The following EPB42 variants were observed in gnomAD, a reference collection of about 807,000 sequenced individuals.
The protein encoded by EPB42 is erythrocyte membrane protein band 4.2, also known as protein 4.2.
EPB42 carries 49 observed loss-of-function variants against 76.9 expected under a neutral mutation model. The ratio of observed to expected loss-of-function variants is 0.64; its 90% CI spans 0.51 to 0.81. EPB42 has a LOEUF of 0.81. Ranked by LOEUF, EPB42 falls within the 30% of genes least tolerant of loss-of-function variation. The pLI, the probability that EPB42 is intolerant of heterozygous loss-of-function variation, is 0.00. For synonymous variants in EPB42, 310 were observed against 338.4 expected, an observed-to-expected ratio of 0.92 and a Z score of 0.92; for missense variants, 731 against 867.6, an observed-to-expected ratio of 0.84 and a Z score of 1.98.
chr15:43,222,669 TATG>T (rs1259198058), upstream of EPB42, among the ~76,000 whole-genome samples: 1 of 152,230 alleles, frequency 6.6e-6, no homozygotes, highest in Non-Finnish European at 1.5e-5. Flanking sequence ...GAACACATAA[TATG>T]ATATTACTGT....
intron 6 of EPB42, 151 bp from the exon 7 acceptor site, chr15:43,208,926 T>C (rs2042248699): frequency 2.2e-6 from 2 of 919,996 alleles, no homozygotes; most frequent in Non-Finnish European, 3.3e-6. Context: ...AAGAACAGGA[T>C]GCATGAAGGC....
At chr15:43,204,047 AG>A (rs1386662452) in intron 10 of EPB42, among the ~76,000 whole-genome samples, 1 of 152,082 alleles carries the variant, frequency 6.6e-6, no homozygotes, top group Non-Finnish European at 1.5e-5. Flanking sequence ...TATTTTCCTC[AG>A]CATAGAAGCA....
At chr15:43,225,370 A>C (rs142607347), upstream of EPB42, among the ~76,000 whole-genome samples, 2 of 152,354 alleles carry the variant, frequency 1.3e-5, no homozygotes, top group African/African-American at 4.8e-5. Context: ...TATTTTCACC[A>C]CAGAGGGCCC....
In EPB42 at chr15:43,199,145, G is replaced by A. The variant is rs141028684; in HGVS notation, c.1914-1681C>T. ...GTCCCTGCTGGGGCACTGCCTAGTG[G>A]AGCTGTGAGAAGAGGGCCGCCATCC... On this transcript the variant is annotated intron_variant, in intron 12 of 12. Coordinates refer to ENST00000441366, the MANE Select transcript of EPB42 (RefSeq NM_001114134.2). 2.9e-3 allele frequency among the ~76,000 whole-genome samples: 441 copies of A among 152,324 alleles called. 8 individuals carry two copies. Among genetic ancestry groups the A allele is most frequent in the South Asian group, 0.022 (105 of 4,826 alleles).
chr15:43,210,045 T>C (rs1345814616), intron 5 of EPB42, among the ~76,000 whole-genome samples: 1 of 152,218 alleles, frequency 6.6e-6, no homozygotes, highest in Non-Finnish European at 1.5e-5. Context: ...CTCCTTCCCA[T>C]GGGCCTAAGC....
chr15:43,220,876 A>G lies in EPB42; in HGVS notation c.-51T>C, dbSNP rs16957499. On this transcript the variant is annotated 5_prime_UTR_variant, in exon 1 of 13. Transcript: ENST00000441366. ...CTTGGCCGCAGAAAGCGCCTCTCTC[A>G]AACTGTTGCTTCTGGGCTCCTTCTG... 0.01 allele frequency: 15,515 copies of G among 1,530,134 alleles called. 1,073 individuals carry two copies. In the African/African-American group the frequency reaches 0.16, roughly 16 times the overall value. The allele number at this position is 1,530,134 out of a possible 1,614,324, so 94.8% of individuals were successfully genotyped here.
chr15:43,208,370 A>G (rs2042238398), intron 7 of EPB42, 37 bp from the exon 8 acceptor site: 1 of 1,599,366 alleles, frequency 6.3e-7, no homozygotes, highest in East Asian at 2.2e-5. Flanking sequence ...AGTGGGAAAG[A>G]AAACGAGTGC....
Position 43,197,503 on chromosome 15 carries a change from G to C in EPB42, c.1914-39C>G, listed in dbSNP as rs16957485. 4,922 of 1,612,112 alleles carry C rather than the reference G, an allele frequency of 3.1e-3. 70 individuals are homozygous for C. In the African/African-American group the frequency reaches 0.045, roughly 15 times the overall value. ...AAAGGCAGGTGCTAGTTCTGTCCCA[G>C]GTTCATTGCTCTGCTGGTCCCAGTG... is the stretch of plus-strand genomic sequence containing the variant. On this transcript the variant is annotated intron_variant, in intron 12 of 12. Transcript: ENST00000441366.
chr15:43,201,832 G>A lies in EPB42; in HGVS notation c.1913+12C>T. 6.2e-7 allele frequency: 1 copy of A among 1,614,192 alleles called. No individual in the cohort carries two copies. Among genetic ancestry groups the A allele is most frequent in the South Asian group, 1.1e-5 (1 of 91,086 alleles). ...GACATTTCAGGGGGATGAGAAGCCT[G>A]CCATCACTTACCTGTAGCTCCTCTC... On this transcript the variant is annotated intron_variant, in intron 12 of 12. Transcript: ENST00000441366.
intron 7 of EPB42, 122 bp downstream of exon 7, chr15:43,208,515 A>G (rs888013254): frequency 2.0e-5 from 30 of 1,521,808 alleles, no homozygotes; most frequent in Non-Finnish European, 2.7e-5. Context: ...GCCGCCTCTA[A>G]GGGTCTTGAA....
At position 43,206,198 on chromosome 15, in the gene EPB42, G is replaced by A. The variant is rs767841179; in HGVS notation, c.1618+132C>T. 1.1e-5 allele frequency: 10 copies of A among 920,578 alleles called. No homozygotes were observed. In the South Asian group the frequency reaches 1.5e-4, roughly 14 times the overall value. The allele number at this position is 920,578 out of a possible 1,614,324, so 57.0% of individuals were successfully genotyped here. A position where few individuals can be genotyped will look rare whatever the true frequency, so the allele number is the denominator to read the frequency against. On this transcript the variant is annotated intron_variant, in intron 10 of 12. Transcript: ENST00000441366. The surrounding 1 kb of genome is among the most constrained non-coding windows in gnomAD (Gnocchi z 4.7). ...TGAATGAATGAATGAGAGAGAACAT[G>A]AGAGTGAGCAGCAGGGGCTCAAAGC...
chr15:43,199,424 C>T (rs1445071654), intron 12 of EPB42, among the ~76,000 whole-genome samples: 1 of 152,210 alleles, frequency 6.6e-6, no homozygotes, highest in Non-Finnish European at 1.5e-5. Flanking sequence ...GGCCCTGTAA[C>T]TCCTTTGTTT....
intron 3 of EPB42, among the ~76,000 whole-genome samples, chr15:43,213,054 T>C (rs950454036): frequency 1.3e-5 from 2 of 152,152 alleles, no homozygotes; most frequent in Non-Finnish European, 2.9e-5. Flanking sequence ...CAGACCCATA[T>C]GCCCAAGGAG....
chr15:43,210,688 G>C (rs528930487), intron 4 of EPB42, among the ~76,000 whole-genome samples: 11 of 152,238 alleles, frequency 7.2e-5, no homozygotes, highest in Admixed American at 1.3e-4. Flanking sequence ...TCTGACTCCC[G>C]GTAGGGTGTG....
intron 12 of EPB42, among the ~76,000 whole-genome samples, chr15:43,200,755 C>T (rs2042112282): frequency 6.6e-6 from 1 of 152,034 alleles, no homozygotes; most frequent in African/African-American, 2.4e-5. Context: ...CCTGGTCAAA[C>T]CACATCATAG....
chr15:43,210,549 C>T (rs1046521427), intron 4 of EPB42, 110 bp from the exon 5 acceptor site: 1 of 974,714 alleles, frequency 1.0e-6, no homozygotes. Flanking sequence ...TCTCGTCCTT[C>T]TCCCAGACCC....
At chr15:43,218,532 T>C (rs1312670243) in intron 1 of EPB42, among the ~76,000 whole-genome samples, 1 of 152,208 alleles carries the variant, frequency 6.6e-6, no homozygotes, top group Non-Finnish European at 1.5e-5. Context: ...ACCCATCACC[T>C]GCTTAGTCCT....
At position 43,211,548 on chromosome 15, in the gene EPB42, G is replaced by C. The variant is rs1327717823; in HGVS notation, c.431-14C>G. 1 of 1,573,206 alleles carries C rather than the reference G, an allele frequency of 6.4e-7. No homozygotes were observed. Among genetic ancestry groups the C allele is most frequent in the Non-Finnish European group, 8.7e-7 (1 of 1,143,068 alleles). ...ACACAGCATCCTCTGGTGAGAGGTG[G>C]GTAGGGATGAGGGCCTGTGGGGGTC... On this transcript the variant is annotated splice_polypyrimidine_tract_variant and intron_variant, in intron 3 of 12. Coordinates refer to ENST00000441366, the MANE Select transcript of EPB42 (RefSeq NM_001114134.2).
chr15:43,216,576 G>A (rs1020450011), intron 1 of EPB42, 123 bp from the exon 2 acceptor site: 25 of 997,808 alleles, frequency 2.5e-5, no homozygotes, highest in East Asian at 1.0e-4. Flanking sequence ...TTTTAGCTGC[G>A]CAATCCCAGG....
Sources: gnomAD v4.1 joint callset for allele counts (sites outside exome capture counted in the v4.1 genomes callset) on GRCh38, gnomAD v4.1.1 for gene constraint, Gnocchi (gnomAD v3.1) non-coding constraint, MANE v1.5 for transcripts, NCBI Gene and HGNC (gene_info 2026-07-23, HGNC 2026-07-21) for gene names.